DIAPH2: variants seen among roughly 807,000 people sequenced by gnomAD.
DIAPH2 encodes protein diaphanous homolog 2.
In DIAPH2, 35 loss-of-function variants were observed where a neutral mutation model predicts 92.7. The observed-to-expected ratio is 0.38, with a 90% CI of 0.29 to 0.50. The LOEUF is 0.50. DIAPH2 is among the 20% of genes least tolerant of loss of function. DIAPH2 has a pLI of 0.94. For synonymous variants in DIAPH2, 301 were observed against 280.4 expected (o/e 1.07, Z -0.73); for missense variants, 701 against 819.5 (o/e 0.86, Z 1.77).
intron 23 of DIAPH2, among the ~76,000 whole-genome samples, chrX:97,297,603 A>AT (rs1569354838): frequency 1.4e-5 from 1 of 72,134 alleles, no homozygotes; most frequent in Non-Finnish European, 2.6e-5. Flanking sequence ...TTTTTAGTGC[A>AT]CTTTTTTTTT....
intron 17 of DIAPH2, among the ~76,000 whole-genome samples, chrX:96,979,724 A>G (rs1311578366): frequency 8.9e-6 from 1 of 112,351 alleles, no homozygotes; most frequent in Non-Finnish European, 1.9e-5. Flanking sequence ...AGTTACAGTT[A>G]TATATACTTA....
chrX:96,854,598 CATATATATATAT>C (rs57209486), intron 4 of DIAPH2, among the ~76,000 whole-genome samples: 515 of 37,110 alleles, frequency 0.014, 15 homozygotes, highest in African/African-American at 0.032. Context: ...CTCTCTCTCT[CATATATATATAT>C]ATATATATAT....
chrX:97,168,089 CTTTT>C (rs59856390), intron 22 of DIAPH2, among the ~76,000 whole-genome samples: 1 of 96,706 alleles, frequency 1.0e-5, no homozygotes. Flanking sequence ...ATTAGACAGT[CTTTT>C]TTTTTTTTTT....
chrX:96,884,722 AAG>A, intron 5 of DIAPH2: 1 of 1,210,842 alleles, frequency 8.3e-7, no homozygotes, highest in Non-Finnish European at 1.1e-6. Context: ...CACGGGAACA[AAG>A]AGCCTTGAGG....
At chrX:97,485,417 A>G (rs1181451543) in intron 26 of DIAPH2, among the ~76,000 whole-genome samples, 1 of 112,239 alleles carries the variant, frequency 8.9e-6, no homozygotes, top group African/African-American at 3.2e-5. Context: ...GAAATGTGGT[A>G]ATGTATCCAG....
rs188500942 is a variant in DIAPH2, at chrX:96,952,977, G to T, written c.1614+3938G>T. On this transcript the variant is annotated intron_variant, in intron 15 of 26. Transcript: ENST00000324765. ...ATCTTAAAAAAAAAAAAATTAGCCT[G>T]GGGTAGTGGTGCATGCCTGTAGTCC... Among the ~76,000 whole-genome samples, 694 of 108,425 alleles carry T rather than the reference G, an allele frequency of 6.4e-3. 3 individuals are homozygous for T. Among genetic ancestry groups the T allele is most frequent in the African/African-American group, 0.023 (676 of 29,755 alleles). The allele number at this position is 108,425 out of a possible 115,157, so 94.2% of individuals were successfully genotyped here.
chrX:96,960,898 G>A (rs114154568), intron 16 of DIAPH2, among the ~76,000 whole-genome samples: 3,655 of 111,736 alleles, frequency 0.033, 149 homozygotes, highest in African/African-American at 0.11. Context: ...GATGTATCAC[G>A]TTTATTGAAT....
chrX:97,540,393 G>C (rs1309520467), intron 26 of DIAPH2, among the ~76,000 whole-genome samples: 1 of 111,803 alleles, frequency 8.9e-6, no homozygotes, highest in Non-Finnish European at 1.9e-5. Flanking sequence ...TGTCAAATGG[G>C]AACAGACACC....
chrX:97,358,921 G>T (rs1169104709), intron 24 of DIAPH2, among the ~76,000 whole-genome samples: 1 of 111,768 alleles, frequency 8.9e-6, no homozygotes, highest in Non-Finnish European at 1.9e-5. Flanking sequence ...GAAAATTTAA[G>T]TTTTAAATTT....
At chrX:97,344,210 C>G (rs1467746180) in intron 23 of DIAPH2, among the ~76,000 whole-genome samples, 6 of 111,351 alleles carry the variant, frequency 5.4e-5, no homozygotes, top group Middle Eastern at 4.7e-3. Flanking sequence ...TGATACCACC[C>G]CAGTATCTTG....
In DIAPH2 at chrX:96,916,424, T is replaced by G. The variant is rs745845055; in HGVS notation, c.733-14T>G. On this transcript the variant is annotated splice_polypyrimidine_tract_variant and intron_variant, in intron 7 of 26. Transcript: ENST00000324765. ...TAGACATTCTGAATGAAGGTTTTTT[T>G]TTTTTTTTTTTAGTTTGGATTACAA... The G allele has an allele frequency of 2.0e-4, 213 of 1,084,859 alleles. No individual in the cohort carries two copies. Among genetic ancestry groups the G allele is most frequent in the Non-Finnish European group, 2.4e-4 (200 of 832,723 alleles). The allele number at this position is 1,084,859 out of a possible 1,213,427, so 89.4% of individuals were successfully genotyped here.
At chrX:97,127,054 T>C (rs1247821522) in intron 21 of DIAPH2, among the ~76,000 whole-genome samples, 1 of 112,674 alleles carries the variant, frequency 8.9e-6, no homozygotes, top group Non-Finnish European at 1.9e-5. Flanking sequence ...ATTAGTATTT[T>C]AAATTTTTTG....
chrX:97,364,759 G>GTTTTTTTTTTTT (rs11286549), intron 24 of DIAPH2, among the ~76,000 whole-genome samples: 2 of 56,587 alleles, frequency 3.5e-5, no homozygotes, highest in African/African-American at 1.2e-4. Context: ...GTCTCCTGGT[G>GTTTTTTTTTTTT]TTTTTTTTTT....
chrX:96,928,376 G>T (rs1400483445), intron 9 of DIAPH2, among the ~76,000 whole-genome samples: 1 of 110,543 alleles, frequency 9.0e-6, no homozygotes, highest in East Asian at 2.8e-4. Context: ...ACACAGAATG[G>T]GTTTGTCATG....
In DIAPH2 at chrX:97,078,265, C is replaced by T. The variant is rs544858193; in HGVS notation, c.2247+3004C>T. Reference sequence around the variant, plus strand: ...GAATATGTGAAAAAAAGATGATCAACATAAAAGATAGTGTATTATTACTGC... The same window carrying T: ...GAATATGTGAAAAAAAGATGATCAATATAAAAGATAGTGTATTATTACTGC... On this transcript the variant is annotated intron_variant, in intron 19 of 26. Coordinates refer to ENST00000324765, the MANE Select transcript of DIAPH2 (RefSeq NM_006729.5). Among the ~76,000 whole-genome samples, 15 of 111,541 alleles carry T rather than the reference C, an allele frequency of 1.3e-4. No homozygotes were observed. In the South Asian group the frequency reaches 3.0e-3, roughly 23 times the overall value.
At chrX:97,171,038 G>A (rs749333116) in intron 22 of DIAPH2, among the ~76,000 whole-genome samples, 21 of 110,300 alleles carry the variant, frequency 1.9e-4, no homozygotes, top group African/African-American at 5.6e-4. Flanking sequence ...CACCACACCC[G>A]GCTAATTGTA....
chrX:97,489,393 CT>C (rs201149535), intron 26 of DIAPH2, among the ~76,000 whole-genome samples: 51 of 106,350 alleles, frequency 4.8e-4, no homozygotes, highest in East Asian at 2.9e-3. Flanking sequence ...AGTTTTACTT[CT>C]TTTTTTTTTC....
At chrX:97,422,703 G>T (rs1356585621) in intron 25 of DIAPH2, among the ~76,000 whole-genome samples, 1 of 112,034 alleles carries the variant, frequency 8.9e-6, no homozygotes, top group Non-Finnish European at 1.9e-5. Context: ...AATTTTCAAG[G>T]TGTGATAAAC....
intron 26 of DIAPH2, among the ~76,000 whole-genome samples, chrX:97,582,444 G>C (rs1187672562): frequency 9.5e-6 from 1 of 105,218 alleles, no homozygotes; most frequent in Non-Finnish European, 1.9e-5. Flanking sequence ...TAGTTTGGCT[G>C]GATATGAAAT....
Sources: allele counts gnomAD v4.1 joint callset (sites outside exome capture counted in the v4.1 genomes callset), GRCh38; gene constraint gnomAD v4.1.1; transcripts MANE v1.5; gene names NCBI Gene and HGNC (gene_info 2026-07-23, HGNC 2026-07-21).